The following GALNT18 variants were observed in gnomAD, a reference collection of about 807,000 sequenced individuals.
GALNT18 encodes GalNAc-transferase 18.
GALNT18 carries 44 observed loss-of-function variants against 69.5 expected under a neutral mutation model. That is an observed-to-expected ratio of 0.63 (90% confidence interval 0.50 to 0.81). GALNT18 has a LOEUF of 0.81. Among genes scored for constraint, GALNT18 ranks in the 40% least tolerant of loss-of-function variants. GALNT18 has a pLI of 0.00. For synonymous variants in GALNT18, 364 were observed against 318.2 expected (o/e 1.14, Z -1.53); for missense variants, 715 against 810.0 (o/e 0.88, Z 1.42).
intron 3 of GALNT18, among the ~76,000 whole-genome samples, chr11:11,414,214 T>C (rs559271294): frequency 3.9e-4 from 59 of 152,282 alleles, no homozygotes; most frequent in African/African-American, 1.3e-3. Context: ...CTCTTACCCA[T>C]TCCCAAATTA....
rs756847425 is a variant in GALNT18 at position 11,461,223 on chromosome 11, G to C, written c.236-12287C>G. Among the ~76,000 whole-genome samples the C allele has an allele frequency of 1.3e-5, 2 of 152,226 alleles. No homozygotes were observed. The highest frequency in any genetic ancestry group is 2.9e-5 in the Non-Finnish European group (2 of 68,038). The stretch of plus-strand genomic sequence containing the variant: ...TGGGTCTTTCCTCCCCTGCAAGGGG[G>C]ACTTCTGGGCCTGGGTGTGTCTGAG... On this transcript the variant is annotated intron_variant, in intron 1 of 10. Coordinates refer to ENST00000227756, the MANE Select transcript of GALNT18 (RefSeq NM_198516.3). This position sits in a 1 kb window ranked among gnomAD's most constrained non-coding sequence, Gnocchi z 4.1.
intron 3 of GALNT18, among the ~76,000 whole-genome samples, chr11:11,431,962 C>T (rs1855274222): frequency 1.3e-5 from 2 of 152,084 alleles, no homozygotes; most frequent in African/African-American, 4.8e-5. Flanking sequence ...GAATCAGAGA[C>T]CAAGAAATGT....
rs74570109 is a variant in GALNT18, at chr11:11,287,871, A to G, written c.1677+5158T>C. On this transcript the variant is annotated intron_variant, in intron 10 of 10. Coordinates refer to ENST00000227756, the MANE Select transcript of GALNT18 (RefSeq NM_198516.3). ...AACACAGGGCTGGCAATGGTCCTGT[A>G]TTGAGAACCACTCCACTGCCCGACT... Among the ~76,000 whole-genome samples, 646 of 152,256 alleles carry G rather than the reference A, an allele frequency of 4.2e-3. 9 individuals are homozygous for G. The highest frequency in any genetic ancestry group is 0.015 in the African/African-American group (613 of 41,548).
At chr11:11,594,876 T>C (rs1859456985) in intron 1 of GALNT18, among the ~76,000 whole-genome samples, 1 of 144,040 alleles carries the variant, frequency 6.9e-6, no homozygotes, top group South Asian at 2.2e-4. Context: ...TAAATATATA[T>C]ATATAAAAAA....
intron 6 of GALNT18, among the ~76,000 whole-genome samples, chr11:11,363,485 T>A (rs1288888382): frequency 6.6e-6 from 1 of 152,174 alleles, no homozygotes; most frequent in Non-Finnish European, 1.5e-5. Flanking sequence ...GTCATTAATA[T>A]GCTGAAACAG....
At chr11:11,380,870 C>T (rs1298035685) in intron 3 of GALNT18, among the ~76,000 whole-genome samples, 1 of 152,220 alleles carries the variant, frequency 6.6e-6, no homozygotes, top group Non-Finnish European at 1.5e-5. Flanking sequence ...TTTCCAGCTT[C>T]TGCAAAAGTG....
intron 6 of GALNT18, among the ~76,000 whole-genome samples, chr11:11,370,763 C>T (rs969627332): frequency 6.6e-6 from 1 of 152,206 alleles, no homozygotes; most frequent in Non-Finnish European, 1.5e-5. Flanking sequence ...CTGTGACTGA[C>T]TCACACACAT....
chr11:11,579,571 T>C (rs1047764068), intron 1 of GALNT18, among the ~76,000 whole-genome samples: 2 of 152,188 alleles, frequency 1.3e-5, no homozygotes, highest in Admixed American at 6.5e-5. Context: ...GGGTACCCCA[T>C]GGGCATCGCA....
chr11:11,364,073 T>A (rs1564911313), intron 6 of GALNT18, among the ~76,000 whole-genome samples: 1 of 152,066 alleles, frequency 6.6e-6, no homozygotes, highest in Non-Finnish European at 1.5e-5. Flanking sequence ...CTTTGGAGGG[T>A]GGTTGAGAAT....
At chr11:11,420,226 C>T (rs377258401) in intron 3 of GALNT18, among the ~76,000 whole-genome samples, 2 of 152,154 alleles carry the variant, frequency 1.3e-5, no homozygotes, top group East Asian at 1.9e-4. Context: ...CACAGGGGAG[C>T]CCATACCTGC....
intron 9 of GALNT18, among the ~76,000 whole-genome samples, chr11:11,297,484 G>A (rs1413689173): frequency 1.3e-5 from 2 of 152,108 alleles, no homozygotes; most frequent in African/African-American, 4.8e-5. Flanking sequence ...CCATATGTGC[G>A]ACCACTCACC....
rs1855498366 is a variant in GALNT18 at position 11,439,856 on chromosome 11, T to A, written c.429-7069A>T. On this transcript the variant is annotated intron_variant, in intron 2 of 10. Coordinates refer to ENST00000227756, the MANE Select transcript of GALNT18 (RefSeq NM_198516.3). The surrounding 1 kb of genome is among the most constrained non-coding windows in gnomAD (Gnocchi z 4.4). ...TGACTGCAGCAATAAGACTAGATCA[T>A]CCCACAAGCCAAAGGGGTGAAGAAC... Among the ~76,000 whole-genome samples, 1 of 152,178 alleles carries A rather than the reference T, an allele frequency of 6.6e-6. No homozygotes were observed. Among genetic ancestry groups the A allele is most frequent in the Admixed American group, 6.5e-5 (1 of 15,278 alleles).
chr11:11,360,827 C>T (rs1850628951), intron 6 of GALNT18, among the ~76,000 whole-genome samples: 1 of 151,734 alleles, frequency 6.6e-6, no homozygotes, highest in Non-Finnish European at 1.5e-5. Context: ...TACCATTACT[C>T]ATTGATTGGA....
In GALNT18 at chr11:11,542,327, G is replaced by A. The variant is rs549038518; in HGVS notation, c.235+79032C>T. Among the ~76,000 whole-genome samples, 9 of 152,184 alleles carry A rather than the reference G, an allele frequency of 5.9e-5. No homozygotes were observed. The highest frequency in any genetic ancestry group is 7.4e-5 in the Non-Finnish European group (5 of 68,026). Reference sequence around the variant, plus strand: ...CAGATAGAGCAAGCCATGGACAGACGCCTCCATGCTACCATAGCAACCTGG... The same window carrying A: ...CAGATAGAGCAAGCCATGGACAGACACCTCCATGCTACCATAGCAACCTGG... On this transcript the variant is annotated intron_variant, in intron 1 of 10. Coordinates refer to ENST00000227756, the MANE Select transcript of GALNT18 (RefSeq NM_198516.3). The surrounding 1 kb of genome is among the most constrained non-coding windows in gnomAD (Gnocchi z 4.3).
chr11:11,484,039 G>A (rs941660930), intron 1 of GALNT18, among the ~76,000 whole-genome samples: 1 of 152,058 alleles, frequency 6.6e-6, no homozygotes, highest in Non-Finnish European at 1.5e-5. Context: ...TCTGTGCGGG[G>A]GACTTTCCAT....
At chr11:11,506,831 G>T (rs1857077635) in intron 1 of GALNT18, among the ~76,000 whole-genome samples, 1 of 152,174 alleles carries the variant, frequency 6.6e-6, no homozygotes, top group Non-Finnish European at 1.5e-5. Context: ...CAGCTGCTGA[G>T]GAGGGTAGAG....
intron 3 of GALNT18, among the ~76,000 whole-genome samples, chr11:11,394,403 G>A (rs992044800): frequency 3.9e-5 from 6 of 152,190 alleles, no homozygotes; most frequent in African/African-American, 1.2e-4. Flanking sequence ...GTGAGTGGTA[G>A]AGAGATTGTG....
chr11:11,363,080 G>T (rs1345616648), intron 6 of GALNT18, among the ~76,000 whole-genome samples: 1 of 151,960 alleles, frequency 6.6e-6, no homozygotes, highest in East Asian at 1.9e-4. Context: ...CTAAGAAAGG[G>T]GACCTGCGAA....
chr11:11,287,300 C>A (rs781335706), intron 10 of GALNT18, among the ~76,000 whole-genome samples: 14 of 152,212 alleles, frequency 9.2e-5, no homozygotes, highest in Non-Finnish European at 2.1e-4. Context: ...TAACAACAGC[C>A]TTCCTAAAGC....
Sources: allele counts gnomAD v4.1 joint callset (sites outside exome capture counted in the v4.1 genomes callset), GRCh38; gene constraint gnomAD v4.1.1; non-coding constraint Gnocchi (gnomAD v3.1); transcripts MANE v1.5; gene names NCBI Gene and HGNC (gene_info 2026-07-23, HGNC 2026-07-21).